PTPRD: variants seen among roughly 807,000 people sequenced by gnomAD.
PTPRD encodes the protein receptor-type tyrosine-protein phosphatase delta.
Under a neutral mutation model 214.5 loss-of-function variants are expected in PTPRD, and 34 were observed. The ratio of observed to expected loss-of-function variants is 0.16; its 90% CI spans 0.12 to 0.21. The LOEUF (loss-of-function observed/expected upper bound fraction) is 0.21, where lower values mean the gene tolerates loss of function less well. PTPRD is among the 10% of genes least tolerant of loss of function. The pLI is 1.00. For missense variants in PTPRD, 2,545 were observed against 2,398.7 expected (o/e 1.06, Z -1.27); for synonymous variants, 1,128 against 845.7 (o/e 1.33, Z -5.79).
At chr9:9,012,863 G>A (rs965031469) in intron 11 of PTPRD, among the ~76,000 whole-genome samples, 1 of 152,104 alleles carries the variant, frequency 6.6e-6, no homozygotes, top group Non-Finnish European at 1.5e-5. Flanking sequence ...GAAAATCTGT[G>A]ACTTGCCTTT....
At position 8,612,710 on chromosome 9, in the gene PTPRD, G is replaced by C. The variant is rs989621544; in HGVS notation, c.352+20607C>G. Among the ~76,000 whole-genome samples, 14 of 152,320 alleles carry C rather than the reference G, an allele frequency of 9.2e-5. No individual in the cohort carries two copies. In the East Asian group the frequency reaches 2.7e-3, roughly 29 times the overall value. On this transcript the variant is annotated intron_variant, in intron 14 of 45. Transcript: ENST00000381196. ...AGGGATGTTCACTGAGGTGAGAAGAGGATGACAACTTCTGGGGGACCCTGA... is the reference window on the plus strand; with the variant it reads ...AGGGATGTTCACTGAGGTGAGAAGACGATGACAACTTCTGGGGGACCCTGA...
chr9:9,761,742 A>C (rs561917652), intron 6 of PTPRD, among the ~76,000 whole-genome samples: 2 of 152,268 alleles, frequency 1.3e-5, no homozygotes, highest in South Asian at 2.1e-4. Flanking sequence ...AATTAAAAAA[A>C]AACTATTCAT....
intron 8 of PTPRD, among the ~76,000 whole-genome samples, chr9:9,492,926 G>T (rs930844130): frequency 2.7e-5 from 4 of 145,620 alleles, no homozygotes; most frequent in Non-Finnish European, 4.5e-5. Context: ...ATTGTTCTGG[G>T]GCACCATGAA....
chr9:10,153,415 A>C (rs554006546), intron 3 of PTPRD, among the ~76,000 whole-genome samples: 223 of 151,434 alleles, frequency 1.5e-3, no homozygotes, highest in African/African-American at 4.9e-3. Flanking sequence ...TTATTTGCTT[A>C]ACCCAAAGAT....
rs186173717 is a variant in PTPRD at position 8,773,783 on chromosome 9, T to C, written c.-103-39837A>G. On this transcript the variant is annotated intron_variant, in intron 11 of 45. Transcript: ENST00000381196. The stretch of plus-strand genomic sequence containing the variant: ...ACAATAACTATGATTCAAAATAAAA[T>C]AGCTGCAGTTTCAAATATACAAAAT... 2.5e-3 allele frequency among the ~76,000 whole-genome samples: 375 copies of C among 152,330 alleles called. 1 individual carries two copies. Among genetic ancestry groups the C allele is most frequent in the African/African-American group, 7.9e-3 (329 of 41,580 alleles).
chr9:10,199,365 C>G (rs971014832), intron 3 of PTPRD, among the ~76,000 whole-genome samples: 4 of 152,024 alleles, frequency 2.6e-5, no homozygotes, highest in African/African-American at 9.7e-5. Flanking sequence ...ATAGGAGAAA[C>G]TTGTCCACAA....
chr9:9,368,974 A>G (rs558796578), intron 9 of PTPRD, among the ~76,000 whole-genome samples: 1 of 151,896 alleles, frequency 6.6e-6, no homozygotes, highest in South Asian at 2.1e-4. Flanking sequence ...ATGTTTTCTC[A>G]TTGTTCAATT....
intron 3 of PTPRD, among the ~76,000 whole-genome samples, chr9:10,058,888 A>C (rs1160803144): frequency 6.6e-6 from 1 of 152,140 alleles, no homozygotes; most frequent in South Asian, 2.1e-4. Context: ...GTTTGAAATA[A>C]AATAACCTTA....
chr9:9,809,518 C>A (rs866799682), intron 5 of PTPRD, among the ~76,000 whole-genome samples: 24 of 152,136 alleles, frequency 1.6e-4, no homozygotes, highest in Admixed American at 4.6e-4. Flanking sequence ...CCTGCCTCGG[C>A]CTCCCAAAGT....
chr9:8,751,536 C>T (rs1373189567), intron 11 of PTPRD, among the ~76,000 whole-genome samples: 2 of 152,196 alleles, frequency 1.3e-5, no homozygotes, highest in African/African-American at 4.8e-5. Flanking sequence ...CACTGGAATT[C>T]AGGCTATTAG....
At chr9:10,297,896 C>T (rs2095731862) in intron 3 of PTPRD, among the ~76,000 whole-genome samples, 1 of 151,994 alleles carries the variant, frequency 6.6e-6, no homozygotes, top group Non-Finnish European at 1.5e-5. Context: ...TTCCAAGGCA[C>T]CCTTCATATT....
intron 10 of PTPRD, among the ~76,000 whole-genome samples, chr9:9,082,672 T>A (rs1004537579): frequency 6.6e-6 from 1 of 151,996 alleles, no homozygotes; most frequent in African/African-American, 2.4e-5. Flanking sequence ...AGCCCCAAAT[T>A]TCCTTAAGCT....
chr9:8,992,630 C>T (rs752461266), intron 11 of PTPRD, among the ~76,000 whole-genome samples: 5 of 152,150 alleles, frequency 3.3e-5, no homozygotes, highest in African/African-American at 7.2e-5. Flanking sequence ...AAATAATATA[C>T]GGCTACTTTG....
intron 9 of PTPRD, among the ~76,000 whole-genome samples, chr9:9,369,430 T>A (rs537921719): frequency 6.6e-6 from 1 of 152,288 alleles, no homozygotes; most frequent in African/African-American, 2.4e-5. Context: ...TCTGTTCATA[T>A]CCTTTGCCCA....
In PTPRD at chr9:10,267,209, G is replaced by T. The variant is rs1273225305; in HGVS notation, c.-545+73754C>A. Among the ~76,000 whole-genome samples, 6 of 145,262 alleles carry T rather than the reference G, an allele frequency of 4.1e-5. No individual in the cohort carries two copies. In the South Asian group the frequency reaches 6.5e-4, roughly 16 times the overall value. ...CCGTCTCAAAAAAAAAAAAAAAAAG[G>T]AAAAAACAAAAAAGTAGTCAGGGAT... On this transcript the variant is annotated intron_variant, in intron 3 of 45. Transcript: ENST00000381196.
At chr9:9,013,044 TA>T (rs1008816084) in intron 11 of PTPRD, among the ~76,000 whole-genome samples, 2 of 152,044 alleles carry the variant, frequency 1.3e-5, no homozygotes, top group Non-Finnish European at 2.9e-5. Flanking sequence ...GAAAAGACGT[TA>T]AAGGGGGGGA....
chr9:8,582,345 A>G (rs7048272), intron 14 of PTPRD, among the ~76,000 whole-genome samples: 71,371 of 152,078 alleles, frequency 0.47, 17,646 homozygotes, highest in African/African-American at 0.65. Context: ...TTGAGTCAGA[A>G]TATTTTTTGA....
At chr9:9,651,547 A>C (rs533755541) in intron 7 of PTPRD, among the ~76,000 whole-genome samples, 1 of 152,224 alleles carries the variant, frequency 6.6e-6, no homozygotes, top group Non-Finnish European at 1.5e-5. Context: ...CTCCAGCTCC[A>C]TCCATGTCCT....
At chr9:10,226,519 G>T (rs184858029) in intron 3 of PTPRD, among the ~76,000 whole-genome samples, 1 of 151,978 alleles carries the variant, frequency 6.6e-6, no homozygotes. Flanking sequence ...CAGGAATGAG[G>T]CTCCAAGCAC....
Sources: gnomAD v4.1 joint callset for allele counts (sites outside exome capture counted in the v4.1 genomes callset) on GRCh38, gnomAD v4.1.1 for gene constraint, MANE v1.5 for transcripts, NCBI Gene and HGNC (gene_info 2026-07-23, HGNC 2026-07-21) for gene names.